The following R3HDM1 variants were observed in gnomAD, a reference collection of about 807,000 sequenced individuals.
The protein encoded by R3HDM1 is R3H domain-containing protein 1.
In R3HDM1, 46 loss-of-function variants were observed where a neutral mutation model predicts 141.1. The observed-to-expected ratio is 0.33, with a 90% CI of 0.26 to 0.42. The LOEUF (loss-of-function observed/expected upper bound fraction) is 0.42, where lower values mean the gene tolerates loss of function less well. Among genes scored for constraint, R3HDM1 ranks in the 10% least tolerant of loss-of-function variants. R3HDM1 has a pLI of 1.00. For missense variants in R3HDM1, 1,184 were observed against 1,368.3 expected, an observed-to-expected ratio of 0.87 and a Z score of 2.12; for synonymous variants, 435 against 472.9, an observed-to-expected ratio of 0.92 and a Z score of 1.04.
intron 1 of R3HDM1, among the ~76,000 whole-genome samples, chr2:135,567,974 A>G (rs939704295): frequency 3.4e-5 from 5 of 145,968 alleles, no homozygotes; most frequent in African/African-American, 1.3e-4. Context: ...CTGGTCTCGA[A>G]CTCCTGGCCT....
Position 135,723,939 on chromosome 2 carries a change from G to T in R3HDM1, c.3052G>T (p.Val1018Phe). The change falls in exon 27 of 27, where the codon GTT (valine) becomes TTT (phenylalanine). Residue 1018 changes from valine to phenylalanine, a missense_variant and splice_region_variant. Val to Phe is a conservative substitution (Grantham distance 50). Around this residue, in one of 5 missense-constraint regions of R3HDM1, gnomAD observed 182 missense variants for 252.6 expected, o/e 0.72. Coordinates refer to ENST00000683871, the MANE Select transcript of R3HDM1 (RefSeq NM_001378107.1). Reference sequence around the variant, plus strand: ...ATTCTGTACCTTTTCTATTCTAGTTGTTGGGAAGGTCTTGGAAATTACTGA... The same window carrying T: ...ATTCTGTACCTTTTCTATTCTAGTTTTTGGGAAGGTCTTGGAAATTACTGA... ...STDLGAGETV[V>F]GKVLEITELP... is the part of the protein sequence containing the mutation. 1 of 1,606,264 alleles carries T rather than the reference G, an allele frequency of 6.2e-7. No individual in the cohort carries two copies.
rs377083235 is a variant in R3HDM1, at chr2:135,709,299, T to C, written c.2460-134T>C. ...CGTATTAGCCAGGATGTTCTCGATCTCCTGACCTCGTGATCCGCCCGCCTT... is the reference window on the plus strand; with the variant it reads ...CGTATTAGCCAGGATGTTCTCGATCCCCTGACCTCGTGATCCGCCCGCCTT... On this transcript the variant is annotated intron_variant, in intron 21 of 26. Coordinates refer to ENST00000683871, the MANE Select transcript of R3HDM1 (RefSeq NM_001378107.1). The C allele has an allele frequency of 4.0e-5, 47 of 1,184,398 alleles. No individual in the cohort carries two copies. In the Middle Eastern group the frequency reaches 8.2e-4, roughly 21 times the overall value. The allele number at this position is 1,184,398 out of a possible 1,614,324, so 73.4% of individuals were successfully genotyped here.
chr2:135,578,475 C>T (rs1706013292), intron 1 of R3HDM1, among the ~76,000 whole-genome samples: 2 of 152,164 alleles, frequency 1.3e-5, no homozygotes, highest in African/African-American at 2.4e-5. Context: ...ATGACTTTGA[C>T]TCTCAGAACC....
chr2:135,662,364 A>G (rs891412418), intron 19 of R3HDM1, among the ~76,000 whole-genome samples: 2 of 152,228 alleles, frequency 1.3e-5, no homozygotes, highest in Non-Finnish European at 2.9e-5. Flanking sequence ...TCTGATGAAT[A>G]GTAGTCATAC....
At chr2:135,664,431 T>G (rs1435867769) in intron 19 of R3HDM1, among the ~76,000 whole-genome samples, 1 of 152,176 alleles carries the variant, frequency 6.6e-6, no homozygotes, top group Non-Finnish European at 1.5e-5. Context: ...TTGGAGCAAT[T>G]TTTTTTCACT....
Position 135,621,521 on chromosome 2 carries a change from T to A in R3HDM1, c.331T>A (p.Ser111Thr). Reference sequence around the variant, plus strand: ...GAAAATTCAGATCCAGTTAACACAATCATTTGAGAAAGAAGAGAAGCCCTC... The same window carrying A: ...GAAAATTCAGATCCAGTTAACACAAACATTTGAGAAAGAAGAGAAGCCCTC... ...QEKIQIQLTQ[S>T]FEKEEKPSKD... Residue 111 changes from serine to threonine, a missense_variant, in exon 6 of 27, where the codon TCA becomes ACA. This residue lies in a region of R3HDM1 where 192 missense variants were observed against 215.7 expected (regional missense o/e 0.89). Coordinates refer to ENST00000683871, the MANE Select transcript of R3HDM1 (RefSeq NM_001378107.1). The A allele has an allele frequency of 6.3e-7, 1 of 1,593,626 alleles. No homozygotes were observed. The highest frequency in any genetic ancestry group is 1.2e-5 in the South Asian group (1 of 85,366).
Position 135,635,981 on chromosome 2 carries a change from G to T in R3HDM1, c.790G>T (p.Asp264Tyr). 1.9e-6 allele frequency: 3 copies of T among 1,611,608 alleles called. No homozygotes were observed. In the South Asian group the frequency reaches 3.3e-5, roughly 18 times the overall value. Residue 264 changes from aspartate to tyrosine, a missense_variant, in exon 10 of 27, where the codon GAC (aspartate) becomes TAC (tyrosine). By Grantham distance (160) the Asp-to-Tyr change is radical. This residue lies in a region of R3HDM1 where 240 missense variants were observed against 312.3 expected (regional missense o/e 0.77). Coordinates refer to ENST00000683871, the MANE Select transcript of R3HDM1 (RefSeq NM_001378107.1). Reference sequence around the variant, plus strand: ...CCTCAAGAGAGATAACTCTAGCTTTGACAAAGATGATAACCAGGTAATCTA... The same window carrying T: ...CCTCAAGAGAGATAACTCTAGCTTTTACAAAGATGATAACCAGGTAATCTA... Reference protein sequence around the residue: ...YILKRDNSSFDKDDNQMRIRL... With the variant: ...YILKRDNSSFYKDDNQMRIRL...
intron 15 of R3HDM1, among the ~76,000 whole-genome samples, chr2:135,643,949 C>T (rs2064092228): frequency 6.6e-6 from 1 of 152,082 alleles, no homozygotes; most frequent in Non-Finnish European, 1.5e-5. Flanking sequence ...ACAATACACA[C>T]TGGGGCTTAT....
intron 19 of R3HDM1, among the ~76,000 whole-genome samples, chr2:135,673,029 C>T (rs2068632709): frequency 6.6e-6 from 1 of 152,206 alleles, no homozygotes; most frequent in Non-Finnish European, 1.5e-5. Flanking sequence ...ATCGCTTGAA[C>T]CCAGTAGGTG....
chr2:135,715,757 G>C (rs907410237), intron 24 of R3HDM1, 63 bp downstream of exon 24: 46 of 1,533,142 alleles, frequency 3.0e-5, no homozygotes, highest in Non-Finnish European at 3.8e-5. Flanking sequence ...CCAGTCACTT[G>C]GTAATTTATC....
intron 20 of R3HDM1, among the ~76,000 whole-genome samples, chr2:135,679,900 T>G (rs2069933353): frequency 6.6e-6 from 1 of 152,108 alleles, no homozygotes; most frequent in African/African-American, 2.4e-5. Context: ...ACCAACATGG[T>G]GAAACCCCAT....
intron 18 of R3HDM1, among the ~76,000 whole-genome samples, chr2:135,653,698 T>G (rs1290235280): frequency 6.6e-6 from 1 of 152,162 alleles, no homozygotes; most frequent in Non-Finnish European, 1.5e-5. Context: ...CTTTTAAGAT[T>G]TCAGTGTTTT....
intron 3 of R3HDM1, among the ~76,000 whole-genome samples, chr2:135,613,519 A>G (rs2060738538): frequency 6.6e-6 from 1 of 152,172 alleles, no homozygotes; most frequent in Non-Finnish European, 1.5e-5. Context: ...AGCTTAGTTA[A>G]CAAATGCATA....
chr2:135,719,394 C>T (rs1450254463), intron 24 of R3HDM1, among the ~76,000 whole-genome samples: 5 of 151,486 alleles, frequency 3.3e-5, no homozygotes, highest in Admixed American at 3.3e-4. Context: ...AAGAGAATCG[C>T]TTGAACCTGG....
chr2:135,656,306 C>T (rs2065885933), intron 18 of R3HDM1, among the ~76,000 whole-genome samples: 1 of 151,884 alleles, frequency 6.6e-6, no homozygotes, highest in African/African-American at 2.4e-5. Context: ...TGGGTTCTGC[C>T]TCTTTATACA....
At chr2:135,640,170 A>G (rs1443988775) in intron 14 of R3HDM1, among the ~76,000 whole-genome samples, 1 of 152,144 alleles carries the variant, frequency 6.6e-6, no homozygotes, top group Non-Finnish European at 1.5e-5. Flanking sequence ...AACATAAGGT[A>G]TTGTACACGT....
At position 135,631,983 on chromosome 2, in the gene R3HDM1, A is replaced by C; in HGVS notation, c.680A>C (p.Lys227Thr). 1 of 1,607,860 alleles carries C rather than the reference A, an allele frequency of 6.2e-7. No individual in the cohort carries two copies. Among genetic ancestry groups the C allele is most frequent in the Non-Finnish European group, 8.5e-7 (1 of 1,176,426 alleles). ...DQSGKSVIVN[K>T]TSNTRIPDQK... ...AGTGGGAAGTCTGTCATAGTAAACA[A>C]AACTAGCAATACAAGAATGTAAGTG... Residue 227 changes from lysine (K) to threonine (T), a missense_variant, in exon 9 of 27, where the codon AAA becomes ACA. By Grantham distance (78) the Lys-to-Thr change is moderately conservative. Around this residue, in one of 5 missense-constraint regions of R3HDM1, gnomAD observed 240 missense variants for 312.3 expected, o/e 0.77. Transcript: ENST00000683871.
At chr2:135,622,294 T>C (rs1465863274) in intron 6 of R3HDM1, 5 of 984,488 alleles carry the variant, frequency 5.1e-6, no homozygotes, top group African/African-American at 1.7e-5. Flanking sequence ...ACAAATGTAG[T>C]TAATTATGTA....
chr2:135,652,563 T>A (rs865781674), intron 18 of R3HDM1, among the ~76,000 whole-genome samples: 21 of 152,364 alleles, frequency 1.4e-4, no homozygotes, highest in African/African-American at 5.0e-4. Context: ...TAATATTTGT[T>A]AAAGATTTTT....
Sources: allele counts gnomAD v4.1 joint callset (sites outside exome capture counted in the v4.1 genomes callset), GRCh38; gene constraint gnomAD v4.1.1; regional missense constraint gnomAD v4.1.1; transcripts MANE v1.5; gene names NCBI Gene and HGNC (gene_info 2026-07-23, HGNC 2026-07-21).